ZNF426: variants seen among roughly 807,000 people sequenced by gnomAD.
ZNF426 encodes the protein zinc finger protein 426.
A neutral mutation model predicts 24.0 loss-of-function variants in ZNF426; 23 were observed. The ratio of observed to expected loss-of-function variants is 0.96; its 90% CI spans 0.69 to 1.36. The LOEUF (loss-of-function observed/expected upper bound fraction) is 1.36. Among genes scored for constraint, ZNF426 ranks in the 40% most tolerant of loss-of-function variants. The pLI is 0.00. For missense variants in ZNF426, 646 were observed against 658.4 expected, an observed-to-expected ratio of 0.98 and a Z score of 0.21; for synonymous variants, 272 against 224.6, an observed-to-expected ratio of 1.21 and a Z score of -1.89.
At chr19:9,531,438 T>C (rs1042858549) in intron 6 of ZNF426, among the ~76,000 whole-genome samples, 2 of 152,166 alleles carry the variant, frequency 1.3e-5, no homozygotes, top group African/African-American at 2.4e-5. Flanking sequence ...CAAAACAATA[T>C]GGCTTATTTC....
At chr19:9,532,987 G>T in intron 5 of ZNF426, 62 bp from the exon 6 acceptor site, 2 of 1,374,628 alleles carry the variant, frequency 1.5e-6, no homozygotes, top group Non-Finnish European at 2.1e-6. Context: ...ACCTTTCTGT[G>T]ATTCAGGAAC....
At chr19:9,529,692 T>C (rs1399413431) in intron 7 of ZNF426, 56 bp from the exon 8 acceptor site, 1 of 1,482,406 alleles carries the variant, frequency 6.7e-7, no homozygotes, top group African/African-American at 1.4e-5. Context: ...TAACAGAACA[T>C]ACCCATCTGA....
chr19:9,528,501 C>G lies in ZNF426; in HGVS notation c.1544G>C (p.Cys515Ser). The G allele has an allele frequency of 1.2e-6, 2 of 1,614,078 alleles. No individual in the cohort carries two copies. Among genetic ancestry groups the G allele is most frequent in the South Asian group, 2.2e-5 (2 of 91,076 alleles). Residue 515 changes from cysteine to serine, a missense_variant, in exon 8 of 8, where the codon TGT becomes TCT. Coordinates refer to ENST00000253115, the MANE Select transcript of ZNF426 (RefSeq NM_024106.3). ...ECKECGKAFTCSSSFRIHEKT... is the reference protein window; with the variant it reads ...ECKECGKAFTSSSSFRIHEKT... The stretch of plus-strand genomic sequence containing the variant: ...TTCATGAATTCTAAAGGAACTGGAA[C>G]ACGTGAAGGCTTTCCCACACTCCTT...
chr19:9,533,653 T>C (rs1484257389), intron 5 of ZNF426, among the ~76,000 whole-genome samples, 187 bp downstream of exon 5: 2 of 152,292 alleles, frequency 1.3e-5, no homozygotes, highest in Middle Eastern at 3.4e-3. Flanking sequence ...AACAGGCAGA[T>C]GGTGTTGCTA....
At chr19:9,534,976 G>A (rs2144777105) in intron 4 of ZNF426, among the ~76,000 whole-genome samples, 1 of 151,310 alleles carries the variant, frequency 6.6e-6, no homozygotes, top group Non-Finnish European at 1.5e-5. Context: ...CAGTCCTTGA[G>A]TGACACTTTA....
At chr19:9,537,737 G>A (rs528741970) in intron 2 of ZNF426, among the ~76,000 whole-genome samples, 6 of 151,916 alleles carry the variant, frequency 3.9e-5, no homozygotes, top group Admixed American at 6.6e-5. Context: ...TGCAACGTCC[G>A]CCTCCTGGGT....
At position 9,525,346 on chromosome 19, in the gene ZNF426, C is replaced by T. The variant is rs2073781891; in HGVS notation, c.*3034G>A. The T allele has an allele frequency of 1.3e-5, 2 of 152,156 alleles. No individual in the cohort carries two copies. The highest frequency in any genetic ancestry group is 4.8e-5 in the African/African-American group (2 of 41,440). 9.4% of individuals were successfully genotyped at this position (152,156 alleles called of 1,614,324 possible). On this transcript the variant is annotated 3_prime_UTR_variant, in exon 8 of 8. Coordinates refer to ENST00000253115, the MANE Select transcript of ZNF426 (RefSeq NM_024106.3). The stretch of plus-strand genomic sequence containing the variant: ...TTTCTTATGCTGAAAGGGCATCTCT[C>T]CAGAGTAAATTTTCACACATTCAAT...
Position 9,528,905 on chromosome 19 carries a change from A to T in ZNF426, c.1140T>A (p.Ile380=). 2 of 1,613,948 alleles carry T rather than the reference A, an allele frequency of 1.2e-6. No homozygotes were observed. The highest frequency in any genetic ancestry group is 1.7e-6 in the Non-Finnish European group (2 of 1,179,954). ...GKSFLTSSRL[I]QHIRTHTGEK... Reference sequence around the variant, plus strand: ...CTCCAGTGTGAGTTCTTATATGTTGAATAAGGCGTGAGGATGTAAGGAAGG... The same window carrying T: ...CTCCAGTGTGAGTTCTTATATGTTGTATAAGGCGTGAGGATGTAAGGAAGG... The change falls in exon 8 of 8, where the codon ATT becomes ATA. Residue 380 remains isoleucine (I), a synonymous_variant. Transcript: ENST00000253115.
chr19:9,534,426 C>T (rs1043615988), intron 4 of ZNF426, among the ~76,000 whole-genome samples: 2 of 151,908 alleles, frequency 1.3e-5, no homozygotes, highest in African/African-American at 4.8e-5. Flanking sequence ...AGGTTGGTCT[C>T]GAACTCCTGA....
At chr19:9,536,543 C>A in intron 2 of ZNF426, 187 bp from the exon 3 acceptor site, 4 of 371,758 alleles carry the variant, frequency 1.1e-5, no homozygotes, top group East Asian at 4.9e-5. Flanking sequence ...TCTAAAGAAA[C>A]AAAAATAAAA....
In ZNF426 at chr19:9,536,374, T is replaced by A. The variant is rs989518660; in HGVS notation, c.-124-18A>T. On this transcript the variant is annotated intron_variant, in intron 2 of 7. Transcript: ENST00000253115. ...TGGGATTCCTGTTGGTATTAATCAA[T>A]AATCAACAAGCAGTACTTAATCATC... 1 of 1,563,918 alleles carries A rather than the reference T, an allele frequency of 6.4e-7. No individual in the cohort carries two copies. Among genetic ancestry groups the A allele is most frequent in the Non-Finnish European group, 8.7e-7 (1 of 1,153,950 alleles).
At chr19:9,530,845 G>T in intron 7 of ZNF426, 140 bp downstream of exon 7, 2 of 638,832 alleles carry the variant, frequency 3.1e-6, no homozygotes, top group East Asian at 2.8e-5. Context: ...TTTCACAATT[G>T]GAGCATCCCT....
rs1460999199 is a variant in ZNF426, at chr19:9,529,205, G to A, written c.840C>T (p.Tyr280=). The A allele has an allele frequency of 6.2e-7, 1 of 1,614,068 alleles. No homozygotes were observed. Among genetic ancestry groups the A allele is most frequent in the African/African-American group, 1.3e-5 (1 of 74,930 alleles). The change falls in exon 8 of 8, where the codon TAC becomes TAT. Residue 280 remains tyrosine (Y), a synonymous_variant. Coordinates refer to ENST00000253115, the MANE Select transcript of ZNF426 (RefSeq NM_024106.3). The part of the protein sequence containing the change: ...LIETLNAKKP[Y]KCKECGKGYR... ...AGCCTTTTCCACATTCCTTACATTT[G>A]TAGGGCTTTTTTGCATTGAGGGTTT...
In ZNF426 at chr19:9,532,874, G is replaced by A; in HGVS notation, c.296C>T (p.Ser99Leu). The change falls in exon 6 of 8, where the codon TCA becomes TTA. Residue 99 changes from serine to leucine, a missense_variant. Transcript: ENST00000253115. ...GAGAACTCCTCCCTGAACTGTCCTT[G>A]ACTCTTCTTGTTCCAACCAAGAGAT... ...SLISWLEQEE[S>L]RTVQGGVLQG... is the part of the protein sequence containing the mutation. The A allele has an allele frequency of 6.2e-7, 1 of 1,614,010 alleles. No individual in the cohort carries two copies. The highest frequency in any genetic ancestry group is 1.1e-5 in the South Asian group (1 of 91,068).
chr19:9,533,938 A>G lies in ZNF426; in HGVS notation c.146T>C (p.Val49Ala), dbSNP rs77003677. 6 of 1,613,566 alleles carry G rather than the reference A, an allele frequency of 3.7e-6. No individual in the cohort carries two copies. The highest frequency in any genetic ancestry group is 1.3e-5 in the African/African-American group (1 of 74,916). Residue 49 changes from valine to alanine, a missense_variant, in exon 5 of 8, where the codon GTG (valine) becomes GCG (alanine). Transcript: ENST00000253115. ...QDSVTFDDVA[V>A]DFTQEEWTLL... ...AGTCCACTCCTCCTGGGTGAAGTCC[A>G]CAGCCACATCGTCAAAGGTCACTGA...
In ZNF426 at chr19:9,532,917, T is replaced by A. The variant is rs2073908711; in HGVS notation, c.253A>T (p.Ile85Phe). 6.2e-7 allele frequency: 1 copy of A among 1,613,576 alleles called. No individual in the cohort carries two copies. Among genetic ancestry groups the A allele is most frequent in the Non-Finnish European group, 8.5e-7 (1 of 1,179,644 alleles). ...CAAGAGATTAGACTGGGTTTGATGA[T>A]CTGACCTCCTGAGCACAGAGAAATA... ...YKNLATVGGQ[I>F]IKPSLISWLE... The change falls in exon 6 of 8, where the codon ATC becomes TTC. Residue 85 changes from isoleucine (I) to phenylalanine (F), a missense_variant. Transcript: ENST00000253115.
Position 9,532,834 on chromosome 19 carries a change from T to C in ZNF426, c.325+11A>G, listed in dbSNP as rs375745661. 6.2e-7 allele frequency: 1 copy of C among 1,605,420 alleles called. No individual in the cohort carries two copies. The highest frequency in any genetic ancestry group is 1.3e-5 in the African/African-American group (1 of 74,788). On this transcript the variant is annotated intron_variant, in intron 6 of 7. Coordinates refer to ENST00000253115, the MANE Select transcript of ZNF426 (RefSeq NM_024106.3). ...TCTCATCAACCAGAGTTGTTCTTCA[T>C]GAACACTCACCTTGGAGAACTCCTC...
At position 9,528,850 on chromosome 19, in the gene ZNF426, T is replaced by C; in HGVS notation, c.1195A>G (p.Lys399Glu). The C allele has an allele frequency of 1.2e-6, 2 of 1,614,208 alleles. No homozygotes were observed. The highest frequency in any genetic ancestry group is 1.7e-6 in the Non-Finnish European group (2 of 1,180,038). The change falls in exon 8 of 8, where the codon AAA becomes GAA. Residue 399 changes from lysine (K) to glutamate (E), a missense_variant. Lys to Glu is a moderately conservative substitution (Grantham distance 56). Coordinates refer to ENST00000253115, the MANE Select transcript of ZNF426 (RefSeq NM_024106.3). ...EKPFVCVECG[K>E]AFAVSSNLSG... The stretch of plus-strand genomic sequence containing the variant: ...AGATTTGAGGAAACTGCAAAGGCTT[T>C]CCCACATTCAACACATACAAAAGGC...
chr19:9,536,511 G>C (rs538731143), intron 2 of ZNF426, 155 bp from the exon 3 acceptor site: 54 of 573,980 alleles, frequency 9.4e-5, no homozygotes, highest in African/African-American at 7.4e-4. Flanking sequence ...GACCAGCCTG[G>C]GCAACATAGC....
Sources: allele counts gnomAD v4.1 joint callset (sites outside exome capture counted in the v4.1 genomes callset), GRCh38; gene constraint gnomAD v4.1.1; transcripts MANE v1.5; gene names NCBI Gene and HGNC (gene_info 2026-07-23, HGNC 2026-07-21).